The following OTUD7A variants were observed in gnomAD, a reference collection of about 807,000 sequenced individuals.
OTUD7A encodes OTU deubiquitinase 7A, also known as OTU domain-containing protein 7A.
Under a neutral mutation model 65.7 loss-of-function variants are expected in OTUD7A, and 12 were observed. The ratio of observed to expected loss-of-function variants is 0.18; its 90% CI spans 0.12 to 0.30. The LOEUF is 0.30. Ranked by LOEUF, OTUD7A falls within the 10% of genes least tolerant of loss-of-function variation. OTUD7A has a pLI of 1.00. For synonymous variants in OTUD7A, 641 were observed against 586.3 expected, an observed-to-expected ratio of 1.09 and a Z score of -1.35; for missense variants, 1,148 against 1,304.8, an observed-to-expected ratio of 0.88 and a Z score of 1.85.
intron 6 of OTUD7A, among the ~76,000 whole-genome samples, chr15:31,528,390 G>A (rs536545867): frequency 2.0e-5 from 3 of 152,354 alleles, no homozygotes; most frequent in African/African-American, 7.2e-5. Flanking sequence ...AAGTGGGATC[G>A]AGGAGAGAGG....
intron 1 of OTUD7A, among the ~76,000 whole-genome samples, chr15:31,739,628 T>C (rs1199076342): frequency 6.6e-6 from 1 of 152,198 alleles, no homozygotes; most frequent in Non-Finnish European, 1.5e-5. Context: ...AGTGTCACTC[T>C]GTTGCCCAGG....
At chr15:31,670,587 A>G (rs34716643) in intron 1 of OTUD7A, among the ~76,000 whole-genome samples, 257 of 152,118 alleles carry the variant, frequency 1.7e-3, no homozygotes, top group Middle Eastern at 0.01. Context: ...TTCTTTTGAG[A>G]AGTGTCTGTT....
chr15:31,834,748 T>C (rs1243720573), intron 1 of OTUD7A, among the ~76,000 whole-genome samples: 2 of 152,254 alleles, frequency 1.3e-5, no homozygotes, highest in Non-Finnish European at 2.9e-5. Flanking sequence ...CTGTGTCTGC[T>C]TCTATATCTG....
At position 31,481,463 on chromosome 15, in the gene OTUD7A, T is replaced by C. The variant is rs1039856906; in HGVS notation, c.*1831A>G. On this transcript the variant is annotated 3_prime_UTR_variant, in exon 13 of 13. Coordinates refer to ENST00000307050, the MANE Select transcript of OTUD7A (RefSeq NM_001382637.1). ...AAAACCACTTTTGTTTTCTGAGTAA[T>C]AAAAGAAACCCCAGTAATATTAGGG... is the stretch of plus-strand genomic sequence containing the variant. 3 of 152,142 alleles carry C rather than the reference T, an allele frequency of 2.0e-5. No homozygotes were observed. The highest frequency in any genetic ancestry group is 6.5e-5 in the Admixed American group (1 of 15,272). The allele number at this position is 152,142 out of a possible 1,614,324, so 9.4% of individuals were successfully genotyped here.
At chr15:31,508,492 G>A (rs960015487) in intron 8 of OTUD7A, among the ~76,000 whole-genome samples, 12 of 152,224 alleles carry the variant, frequency 7.9e-5, no homozygotes, top group African/African-American at 2.9e-4. Context: ...TGGGACTACA[G>A]GCGCCCGCCA....
intron 4 of OTUD7A, among the ~76,000 whole-genome samples, chr15:31,567,340 T>C (rs1406744583): frequency 6.6e-6 from 1 of 152,132 alleles, no homozygotes; most frequent in Non-Finnish European, 1.5e-5. Flanking sequence ...TGATTTAGGG[T>C]ATGTGGTAGA....
chr15:31,655,922 T>C (rs1891978293), intron 2 of OTUD7A, among the ~76,000 whole-genome samples: 1 of 152,196 alleles, frequency 6.6e-6, no homozygotes, highest in South Asian at 2.1e-4. Flanking sequence ...TGTTACCCAC[T>C]CTATTCCAAT....
At chr15:31,636,272 C>A (rs935245645) in intron 3 of OTUD7A, among the ~76,000 whole-genome samples, 2 of 152,216 alleles carry the variant, frequency 1.3e-5, no homozygotes, top group African/African-American at 4.8e-5. Context: ...GGAATTCTCA[C>A]AGTATTTCAA....
intron 1 of OTUD7A, among the ~76,000 whole-genome samples, chr15:31,741,386 T>G (rs186888293): frequency 6.6e-6 from 1 of 152,298 alleles, no homozygotes; most frequent in Admixed American, 6.5e-5. Context: ...ATGTGCAGGT[T>G]TGATACATAG....
chr15:31,865,917 C>T (rs1020788907), intron 1 of OTUD7A, among the ~76,000 whole-genome samples: 1 of 152,154 alleles, frequency 6.6e-6, no homozygotes, highest in African/African-American at 2.4e-5. Context: ...GCATCTTACT[C>T]ATGTGTATTC....
intron 4 of OTUD7A, among the ~76,000 whole-genome samples, chr15:31,561,150 T>G (rs867802254): frequency 5.3e-5 from 8 of 152,240 alleles, no homozygotes; most frequent in Non-Finnish European, 8.8e-5. Flanking sequence ...TCTTTGTATT[T>G]TGCAGAAAGG....
rs559919003 is a variant in OTUD7A at position 31,631,404 on chromosome 15, T to C, written c.151+23692A>G. On this transcript the variant is annotated intron_variant, in intron 3 of 12. Transcript: ENST00000307050. ...TTGAAAATTCTTTTCTTTAAGAATG[T>C]TGAATATTGGCCCCAACTCTCTTCT... Among the ~76,000 whole-genome samples the C allele has an allele frequency of 1.9e-3, 284 of 152,296 alleles. 1 individual carries two copies. The highest frequency in any genetic ancestry group is 6.4e-3 in the African/African-American group (264 of 41,556).
intron 8 of OTUD7A, among the ~76,000 whole-genome samples, chr15:31,504,129 T>C (rs953319821): frequency 1.3e-5 from 2 of 152,114 alleles, no homozygotes; most frequent in Non-Finnish European, 2.9e-5. Flanking sequence ...GAGCCTGTGG[T>C]AGCAGGGCTA....
At chr15:31,738,716 A>C (rs1894259428) in intron 1 of OTUD7A, among the ~76,000 whole-genome samples, 1 of 152,168 alleles carries the variant, frequency 6.6e-6, no homozygotes, top group Non-Finnish European at 1.5e-5. Context: ...ATCCAGCCTT[A>C]CAATCACAGT....
At chr15:31,708,231 G>T (rs1159209090) in intron 1 of OTUD7A, among the ~76,000 whole-genome samples, 1 of 152,210 alleles carries the variant, frequency 6.6e-6, no homozygotes, top group Admixed American at 6.5e-5. Flanking sequence ...TCTAACATCC[G>T]GTGGTGGTAA....
chr15:31,601,912 C>G (rs1555400434), intron 3 of OTUD7A, among the ~76,000 whole-genome samples: 2 of 152,098 alleles, frequency 1.3e-5, no homozygotes, highest in Non-Finnish European at 2.9e-5. Flanking sequence ...AGGAAGAAGT[C>G]AAATCCCTGA....
chr15:31,867,791 A>C (rs960683816), intron 1 of OTUD7A, among the ~76,000 whole-genome samples: 1 of 152,218 alleles, frequency 6.6e-6, no homozygotes, highest in Admixed American at 6.5e-5. Flanking sequence ...CCACTGAAGC[A>C]ATCTCTGCTA....
At chr15:31,844,269 G>A (rs186039115) in intron 1 of OTUD7A, among the ~76,000 whole-genome samples, 57 of 152,362 alleles carry the variant, frequency 3.7e-4, no homozygotes, top group Admixed American at 8.5e-4. Flanking sequence ...CTCTTTGGGA[G>A]GCTGAGGCAG....
At chr15:31,550,103 G>GGA (rs71422896) in intron 5 of OTUD7A, among the ~76,000 whole-genome samples, 1 of 127,236 alleles carries the variant, frequency 7.9e-6, no homozygotes, top group African/African-American at 3.0e-5. Flanking sequence ...CTGTCTCCAG[G>GGA]AAAAAAAAAA....
Sources: gnomAD v4.1 joint callset for allele counts (sites outside exome capture counted in the v4.1 genomes callset) on GRCh38, gnomAD v4.1.1 for gene constraint, MANE v1.5 for transcripts, NCBI Gene and HGNC (gene_info 2026-07-23, HGNC 2026-07-21) for gene names.